CARD9: variants seen among roughly 807,000 people sequenced by gnomAD.
CARD9 encodes the protein caspase recruitment domain family member 9.
A neutral mutation model predicts 66.0 loss-of-function variants in CARD9; 53 were observed. The ratio of observed to expected loss-of-function variants is 0.80; its 90% confidence interval spans 0.64 to 1.01. CARD9 has a LOEUF of 1.01. Ranked by LOEUF, CARD9 falls within the 50% of genes least tolerant of loss-of-function variation. The pLI, the probability that CARD9 is intolerant of heterozygous loss-of-function variation, is 0.00. For missense variants in CARD9, 769 were observed against 743.2 expected (o/e 1.03, Z -0.40); for synonymous variants, 387 against 313.8 (o/e 1.23, Z -2.47).
In CARD9 at chr9:136,370,312, G is replaced by C. The variant is rs760427286; in HGVS notation, c.933C>G (p.Gly311=). 4 of 1,605,862 alleles carry C rather than the reference G, an allele frequency of 2.5e-6. No homozygotes were observed. The highest frequency in any genetic ancestry group is 3.3e-5 in the Admixed American group (2 of 59,820). Residue 311 remains glycine, a synonymous_variant, in exon 6 of 13, where the codon GGC becomes GGG. Coordinates refer to ENST00000371732, the MANE Select transcript of CARD9 (RefSeq NM_052813.5). ...IFSLRKDLRQ[G]EARRLRCMEE... ...CTCCTACCCGGAGGCGTCGGGCCTC[G>C]CCCTGGCGGAGGTCCTTGCGCAGGG...
intron 12 of CARD9, 34 bp from the exon 13 acceptor site, chr9:136,364,435 T>TGCCGCTCCCCAGCC (rs1833065821): frequency 6.5e-7 from 1 of 1,541,642 alleles, no homozygotes; most frequent in Non-Finnish European, 8.7e-7. Flanking sequence ...GCGACCCGGC[T>TGCCGCTCCCCAGCC]GCCGCTCCCC....
Position 136,369,860 on chromosome 9 carries a change from CCTT to C in CARD9, c.964_966del (p.Lys322del), listed in dbSNP as rs761950582. The stretch of plus-strand genomic sequence containing the variant: ...GCCAGGCACTGCAGCTCGAACATCT[CCTT>C]CTCCTCCATGCACTGCAGGGGGCGG... On this transcript the variant is annotated inframe_deletion, in exon 7 of 13. Coordinates refer to ENST00000371732, the MANE Select transcript of CARD9 (RefSeq NM_052813.5). 2 of 1,612,570 alleles carry C rather than the reference CCTT, an allele frequency of 1.2e-6. No individual in the cohort carries two copies. The highest frequency in any genetic ancestry group is 1.6e-4 in the Middle Eastern group (1 of 6,062).
chr9:136,367,862 G>A (rs1833164129), intron 7 of CARD9, 34 bp from the exon 8 acceptor site: 1 of 1,578,482 alleles, frequency 6.3e-7, no homozygotes. Context: ...CCCTCAGTGA[G>A]GGCCCCAAGC....
At chr9:136,367,987 G>A (rs1001677208) in intron 7 of CARD9, 159 bp from the exon 8 acceptor site, 150 of 1,426,534 alleles carry the variant, frequency 1.1e-4, no homozygotes, top group Non-Finnish European at 1.2e-4. Context: ...CTGCGGACAC[G>A]AAGTCAGCAC....
In CARD9 at chr9:136,367,654, G is replaced by A. The variant is rs773817103; in HGVS notation, c.1252C>T (p.Leu418=). ...AGGCCCACCAGGACGAGCGTCTCCA[G>A]CTGCTGCCGCCTGAGCCTGCCCTCC... The part of the protein sequence containing the change: ...AVEGRLRRQQ[L]ETLVLSSDLE... The change falls in exon 8 of 13, where the codon CTG becomes TTG. Residue 418 remains leucine, a synonymous_variant. Transcript: ENST00000371732. 17 of 1,592,154 alleles carry A rather than the reference G, an allele frequency of 1.1e-5. No homozygotes were observed. Among genetic ancestry groups the A allele is most frequent in the Non-Finnish European group, 5.1e-6 (6 of 1,175,452 alleles).
intron 10 of CARD9, chr9:136,365,544 C>G (rs2131433667): frequency 2.3e-6 from 1 of 439,426 alleles, no homozygotes; most frequent in African/African-American, 2.0e-5. Context: ...CTGAGCAGCA[C>G]CGTCCCCCAT....
rs769415504 is a variant in CARD9, at chr9:136,370,390, C to T, written c.855G>A (p.Glu285=). ...RSSPYIQVLE[E]DWRQALRDHQ... The stretch of plus-strand genomic sequence containing the variant: ...GGTCCCGCAGCGCCTGCCGCCAGTC[C>T]TCCTCCAGTACCTGGATGTAGGGGC... Residue 285 remains glutamate, a synonymous_variant, in exon 6 of 13, where the codon GAG becomes GAA. Coordinates refer to ENST00000371732, the MANE Select transcript of CARD9 (RefSeq NM_052813.5). 13 of 1,611,278 alleles carry T rather than the reference C, an allele frequency of 8.1e-6. No individual in the cohort carries two copies. Among genetic ancestry groups the T allele is most frequent in the Admixed American group, 6.7e-5 (4 of 59,866 alleles).
chr9:136,371,607 T>A, intron 2 of CARD9, 146 bp from the exon 3 acceptor site: 3 of 1,346,754 alleles, frequency 2.2e-6, no homozygotes. Context: ...ACCCTGCGGG[T>A]CTTGGTACTA....
Position 136,367,624 on chromosome 9 carries a change from GC to G in CARD9, c.1269+12del. Reference sequence around the variant, plus strand: ...GCGCCGGCTCCCCTCCCTGCCGCAGGCCCCAGGCCCACCAGGACGAGCGTCT... The same window carrying G: ...GCGCCGGCTCCCCTCCCTGCCGCAGGCCCAGGCCCACCAGGACGAGCGTCT... On this transcript the variant is annotated intron_variant, in intron 8 of 12. Transcript: ENST00000371732. The G allele has an allele frequency of 6.4e-7, 1 of 1,567,458 alleles. No individual in the cohort carries two copies. Among genetic ancestry groups the G allele is most frequent in the Non-Finnish European group, 8.6e-7 (1 of 1,162,148 alleles).
chr9:136,370,268 C>A (rs760079338), intron 6 of CARD9, 26 bp downstream of exon 6: 1 of 1,591,920 alleles, frequency 6.3e-7, no homozygotes. Context: ...ACCCCAGGGG[C>A]CATGTCTCCC....
At position 136,372,203 on chromosome 9, in the gene CARD9, G is replaced by T. The variant is rs1241656158; in HGVS notation, c.-16-109C>A. The T allele has an allele frequency of 6.8e-6, 10 of 1,460,308 alleles. 1 individual carries two copies. In the South Asian group the frequency reaches 9.6e-5, roughly 14 times the overall value. The allele number at this position is 1,460,308 out of a possible 1,614,324, so 90.5% of individuals were successfully genotyped here. ...GCCAGGGCTCTCGTCAGGGCATCGA[G>T]GGGGATCAGCCCAGGGGCATCCAGG... On this transcript the variant is annotated intron_variant, in intron 1 of 12. Coordinates refer to ENST00000371732, the MANE Select transcript of CARD9 (RefSeq NM_052813.5).
chr9:136,367,360 A>G, intron 8 of CARD9, 103 bp from the exon 9 acceptor site: 1 of 1,345,074 alleles, frequency 7.4e-7, no homozygotes, highest in East Asian at 2.5e-5. Flanking sequence ...AGCCCTGGGC[A>G]TGCCCTCAGC....
intron 11 of CARD9, chr9:136,364,869 C>T (rs376677234): frequency 9.9e-5 from 59 of 595,110 alleles, no homozygotes; most frequent in African/African-American, 9.1e-4. Flanking sequence ...CCTGTGTTCA[C>T]CTCCTCATCC....
chr9:136,367,361 T>C, intron 8 of CARD9, 104 bp from the exon 9 acceptor site: 4 of 1,332,540 alleles, frequency 3.0e-6, no homozygotes, highest in Non-Finnish European at 4.2e-6. Flanking sequence ...GCCCTGGGCA[T>C]GCCCTCAGCC....
At chr9:136,371,813 T>A in intron 2 of CARD9, 82 bp downstream of exon 2, 2 of 1,535,784 alleles carry the variant, frequency 1.3e-6, no homozygotes, top group Non-Finnish European at 1.8e-6. Context: ...GGGTTGAGGG[T>A]CAGGGTGGCA....
At position 136,370,889 on chromosome 9, in the gene CARD9, A is replaced by G. The variant is rs1564369501; in HGVS notation, c.579T>C (p.Ser193=). 6.2e-7 allele frequency: 1 copy of G among 1,607,160 alleles called. No homozygotes were observed. Among genetic ancestry groups the G allele is most frequent in the East Asian group, 2.2e-5 (1 of 44,688 alleles). The part of the protein sequence containing the change: ...YDLAMRLAHQ[S]EEKGAALMRN... ...GCATGAGCGCGGCGCCCTTCTCCTC[A>G]CTCTGGTGCGCCAGGCGCATGGCCA... The change falls in exon 4 of 13, where the codon AGT becomes AGC. Residue 193 remains serine, a synonymous_variant. Transcript: ENST00000371732.
chr9:136,366,308 G>A, intron 10 of CARD9: 1 of 185,614 alleles, frequency 5.4e-6, no homozygotes, highest in Non-Finnish European at 1.2e-5. Context: ...GACACAGCAG[G>A]CCCTTGGCCA....
chr9:136,367,579 C>A, intron 8 of CARD9, 58 bp downstream of exon 8: 2 of 1,509,858 alleles, frequency 1.3e-6, no homozygotes, highest in East Asian at 2.4e-5. Context: ...GCTCCGTGCT[C>A]CCCTGGCCCT....
At position 136,366,806 on chromosome 9, in the gene CARD9, C is replaced by T. The variant is rs1411071075; in HGVS notation, c.1351G>A (p.Asp451Asn). 1.2e-6 allele frequency: 2 copies of T among 1,612,978 alleles called. No individual in the cohort carries two copies. The highest frequency in any genetic ancestry group is 1.3e-5 in the African/African-American group (1 of 74,894). ...PQDLEDTQLS[D>N]KGCLAGGGSP... is the part of the protein sequence containing the mutation. Reference sequence around the variant, plus strand: ...ACTGCTGTCCCCACCTCACCTTTGTCTGAGAGCTGGGTGTCCTCCAGGTCC... The same window carrying T: ...ACTGCTGTCCCCACCTCACCTTTGTTTGAGAGCTGGGTGTCCTCCAGGTCC... Residue 451 changes from aspartate to asparagine, a missense_variant, in exon 10 of 13, where the codon GAC becomes AAC. Transcript: ENST00000371732.
Sources: gnomAD v4.1 joint callset for allele counts on GRCh38, gnomAD v4.1.1 for gene constraint, MANE v1.5 for transcripts, NCBI Gene and HGNC (gene_info 2026-07-23, HGNC 2026-07-21) for gene names.